RBFOX1: variants seen among roughly 807,000 people sequenced by gnomAD.
RBFOX1 encodes the protein RNA binding protein fox-1 homolog 1.
In RBFOX1, 8 loss-of-function variants were observed where a neutral mutation model predicts 57.7. That is an observed-to-expected ratio of 0.14 (90% CI 0.08 to 0.25). The LOEUF is 0.25. Among genes scored for constraint, RBFOX1 ranks in the 10% least tolerant of loss-of-function variants. RBFOX1 has a pLI of 1.00. For synonymous variants in RBFOX1, 326 were observed against 222.4 expected (o/e 1.47, Z -4.15); for missense variants, 611 against 548.5 (o/e 1.11, Z -1.14).
At chr16:6,946,071 C>T (rs1318324588) in intron 3 of RBFOX1, among the ~76,000 whole-genome samples, 1 of 152,328 alleles carries the variant, frequency 6.6e-6, no homozygotes, top group Admixed American at 6.5e-5. Context: ...AGCACCCTTT[C>T]CCCAGCAACC....
chr16:6,636,834 A>G (rs1309570031), intron 2 of RBFOX1, among the ~76,000 whole-genome samples: 4 of 56,556 alleles, frequency 7.1e-5, no homozygotes, highest in Admixed American at 2.3e-4. Flanking sequence ...TATGTTATAT[A>G]TAATATATAA....
At chr16:5,291,030 G>A (rs1452882435) in intron 1 of RBFOX1, among the ~76,000 whole-genome samples, 1 of 152,126 alleles carries the variant, frequency 6.6e-6, no homozygotes, top group African/African-American at 2.4e-5. Flanking sequence ...AAGTTTGTGT[G>A]GCTGAAGCCT....
intron 2 of RBFOX1, among the ~76,000 whole-genome samples, chr16:6,476,492 T>TA (rs1230397987): frequency 6.6e-6 from 1 of 152,226 alleles, no homozygotes; most frequent in Non-Finnish European, 1.5e-5. Context: ...TGTAGTCTAT[T>TA]AAGTGTGCAA....
At chr16:7,255,148 G>T (rs2094626962) in intron 4 of RBFOX1, among the ~76,000 whole-genome samples, 1 of 152,088 alleles carries the variant, frequency 6.6e-6, no homozygotes, top group Non-Finnish European at 1.5e-5. Context: ...CAACACTGTT[G>T]AAAAATAGAA....
chr16:6,695,799 C>T (rs1019529517), intron 3 of RBFOX1, among the ~76,000 whole-genome samples: 1 of 152,174 alleles, frequency 6.6e-6, no homozygotes, highest in African/African-American at 2.4e-5. Flanking sequence ...TTGATATCTT[C>T]ATTGTCATGT....
intron 4 of RBFOX1, among the ~76,000 whole-genome samples, chr16:7,302,762 C>G (rs1292981076): frequency 1.4e-5 from 2 of 138,654 alleles, no homozygotes; most frequent in Admixed American, 7.4e-5. Flanking sequence ...TTTTTCCTGT[C>G]AGGACCAAGG....
At chr16:6,378,624 C>G (rs375286675) in intron 2 of RBFOX1, among the ~76,000 whole-genome samples, 12 of 152,158 alleles carry the variant, frequency 7.9e-5, no homozygotes, top group African/African-American at 2.9e-4. Context: ...AATGTCCACT[C>G]CCTAGTCCTC....
At chr16:6,685,719 C>A (rs761279923) in intron 3 of RBFOX1, among the ~76,000 whole-genome samples, 2 of 152,148 alleles carry the variant, frequency 1.3e-5, no homozygotes, top group Non-Finnish European at 2.9e-5. Context: ...CCTCATCACT[C>A]AAGAATACCA....
intron 4 of RBFOX1, among the ~76,000 whole-genome samples, chr16:7,280,618 C>T (rs767654442): frequency 7.9e-5 from 12 of 152,116 alleles, no homozygotes; most frequent in Non-Finnish European, 8.8e-5. Flanking sequence ...CGGAGAGCTC[C>T]GCACATAAGG....
chr16:7,544,898 G>A (rs1444828021), intron 5 of RBFOX1, among the ~76,000 whole-genome samples: 1 of 152,122 alleles, frequency 6.6e-6, no homozygotes, highest in African/African-American at 2.4e-5. Context: ...GCACCATACT[G>A]CATTTTGTTC....
intron 2 of RBFOX1, among the ~76,000 whole-genome samples, chr16:6,587,322 C>T (rs1479063525): frequency 6.6e-6 from 1 of 152,038 alleles, no homozygotes; most frequent in Admixed American, 6.5e-5. Flanking sequence ...CACTCTGTCA[C>T]CCAGGCTATA....
At chr16:5,907,764 A>G (rs551808903) in intron 4 of RBFOX1, among the ~76,000 whole-genome samples, 56 of 142,566 alleles carry the variant, frequency 3.9e-4, no homozygotes, top group Non-Finnish European at 7.0e-4. Flanking sequence ...CATCATCATC[A>G]TTTGAGATGG....
intron 4 of RBFOX1, among the ~76,000 whole-genome samples, chr16:7,073,961 C>T (rs2057843926): frequency 6.6e-6 from 1 of 152,184 alleles, no homozygotes; most frequent in Non-Finnish European, 1.5e-5. Context: ...AGACAGCTCC[C>T]TGTTTCTGTA....
intron 4 of RBFOX1, among the ~76,000 whole-genome samples, chr16:7,340,120 G>T (rs1200216865): frequency 1.3e-5 from 2 of 152,208 alleles, no homozygotes; most frequent in African/African-American, 4.8e-5. Flanking sequence ...GAGCCAGAGG[G>T]CAGGGTCAGC....
At chr16:6,953,345 T>C (rs1444378973) in intron 3 of RBFOX1, among the ~76,000 whole-genome samples, 2 of 151,720 alleles carry the variant, frequency 1.3e-5, no homozygotes, top group East Asian at 3.9e-4. Flanking sequence ...CTTAATAACA[T>C]AGAGATCACA....
intron 4 of RBFOX1, among the ~76,000 whole-genome samples, chr16:7,280,734 C>G (rs866488277): frequency 8.5e-5 from 13 of 152,096 alleles, no homozygotes; most frequent in African/African-American, 3.1e-4. Flanking sequence ...GAGTTTTATC[C>G]ATTGTAGGAT....
intron 1 of RBFOX1, among the ~76,000 whole-genome samples, chr16:5,304,830 G>A (rs1045095246): frequency 1.1e-5 from 1 of 91,270 alleles, no homozygotes. Flanking sequence ...GCCATATAAA[G>A]TGATTTTTTT....
intron 3 of RBFOX1, among the ~76,000 whole-genome samples, chr16:6,922,041 C>A (rs1018561880): frequency 6.6e-6 from 1 of 152,170 alleles, no homozygotes; most frequent in Non-Finnish European, 1.5e-5. Context: ...ACTGCTGTTA[C>A]CAACTGGCAG....
At chr16:5,332,888 T>G (rs2064793546) in intron 1 of RBFOX1, among the ~76,000 whole-genome samples, 1 of 152,140 alleles carries the variant, frequency 6.6e-6, no homozygotes, top group Non-Finnish European at 1.5e-5. Flanking sequence ...TATCTTTCAT[T>G]AAAAACTACA....
Sources: gnomAD v4.1 joint callset for allele counts (sites outside exome capture counted in the v4.1 genomes callset) on GRCh38, gnomAD v4.1.1 for gene constraint, MANE v1.5 for transcripts, NCBI Gene and HGNC (gene_info 2026-07-23, HGNC 2026-07-21) for gene names.